The following PAN2 variants were observed in gnomAD, a reference collection of about 807,000 sequenced individuals.
PAN2 encodes poly(A) specific ribonuclease subunit PAN2.
PAN2 carries 68 observed loss-of-function variants against 133.3 expected under a neutral mutation model. The ratio of observed to expected loss-of-function variants is 0.51; its 90% CI spans 0.42 to 0.62. The LOEUF (loss-of-function observed/expected upper bound fraction) is 0.62. Ranked by LOEUF, PAN2 falls within the 20% of genes least tolerant of loss-of-function variation. The probability of loss-of-function intolerance (pLI) is 0.00; values close to 1 mark genes in which losing one functional copy is unlikely to be tolerated. For missense variants in PAN2, 1,042 were observed against 1,500.5 expected (o/e 0.69, Z 5.05); for synonymous variants, 462 against 544.6 (o/e 0.85, Z 2.11).
Position 56,325,043 on chromosome 12 carries a change from T to TG in PAN2, c.1564dup (p.His522ProfsTer8). 4 of 1,614,126 alleles carry TG rather than the reference T, an allele frequency of 2.5e-6. No individual in the cohort carries two copies. In the South Asian group the frequency reaches 4.4e-5, roughly 18 times the overall value. ...GCAGTTACAGTAGGCGTTGGGAATG[T>TG]GGGGCTCTAATCCAGCAAACAAGGT... On this transcript the variant is annotated frameshift_variant, in exon 10 of 26. Coordinates refer to ENST00000440411, the MANE Select transcript of PAN2 (RefSeq NM_014871.6). LOFTEE classifies it high-confidence loss of function.
In PAN2 at chr12:56,324,158, A is replaced by G. The variant is rs1320630774; in HGVS notation, c.1956T>C (p.Val652=). 6.2e-7 allele frequency: 1 copy of G among 1,613,926 alleles called. No individual in the cohort carries two copies. Among genetic ancestry groups the G allele is most frequent in the South Asian group, 1.1e-5 (1 of 91,090 alleles). Residue 652 remains valine, a synonymous_variant, in exon 13 of 26, where the codon GTT becomes GTC. Coordinates refer to ENST00000440411, the MANE Select transcript of PAN2 (RefSeq NM_014871.6). ...GSSFCSSGDS[V]IGQLFSCEME... Reference sequence around the variant, plus strand: ...TCTCACAGCTGAAGAGCTGCCCAATAACAGAGTCCCCCGATGAGCAAAAGC... The same window carrying G: ...TCTCACAGCTGAAGAGCTGCCCAATGACAGAGTCCCCCGATGAGCAAAAGC...
Position 56,324,147 on chromosome 12 carries a change from A to T in PAN2, c.1967T>A (p.Leu656His). 1 of 1,614,122 alleles carries T rather than the reference A, an allele frequency of 6.2e-7. No homozygotes were observed. The highest frequency in any genetic ancestry group is 8.5e-7 in the Non-Finnish European group (1 of 1,180,046). The change falls in exon 13 of 26, where the codon CTC (leucine) becomes CAC (histidine). Residue 656 changes from leucine (L) to histidine (H), a missense_variant. By Grantham distance (99) the Leu-to-His change is moderately conservative. Coordinates refer to ENST00000440411, the MANE Select transcript of PAN2 (RefSeq NM_014871.6). Reference sequence around the variant, plus strand: ...GCAGTTCTCCATCTCACAGCTGAAGAGCTGCCCAATAACAGAGTCCCCCGA... The same window carrying T: ...GCAGTTCTCCATCTCACAGCTGAAGTGCTGCCCAATAACAGAGTCCCCCGA... Reference protein sequence around the residue: ...CSSGDSVIGQLFSCEMENCSL... With the variant: ...CSSGDSVIGQHFSCEMENCSL...
chr12:56,324,928 C>T (rs1479096272), intron 10 of PAN2, 81 bp downstream of exon 10: 157 of 1,536,916 alleles, frequency 1.0e-4, no homozygotes, highest in Non-Finnish European at 2.1e-5. Flanking sequence ...CTGAGGAGAC[C>T]TGGAAAGAGC....
In PAN2 at chr12:56,317,650, G is replaced by C. The variant is rs761525727; in HGVS notation, c.3563-7C>G. The stretch of plus-strand genomic sequence containing the variant: ...GAGGAGAAGACAGCTGCATCTGTCA[G>C]AGACAAAACCAAAAGCATGATTCAA... On this transcript the variant is annotated splice_region_variant and splice_polypyrimidine_tract_variant and intron_variant, in intron 25 of 25. Coordinates refer to ENST00000440411, the MANE Select transcript of PAN2 (RefSeq NM_014871.6). 9.9e-6 allele frequency: 16 copies of C among 1,613,092 alleles called. No homozygotes were observed. The highest frequency in any genetic ancestry group is 2.7e-5 in the African/African-American group (2 of 74,932).
chr12:56,326,004 T>A (rs1875084381), intron 8 of PAN2, among the ~76,000 whole-genome samples: 1 of 152,262 alleles, frequency 6.6e-6, no homozygotes, highest in South Asian at 2.1e-4. Flanking sequence ...TTGGTCACTT[T>A]AGCCTGGAAT....
chr12:56,329,519 G>C (rs1875498659), intron 2 of PAN2, among the ~76,000 whole-genome samples: 1 of 151,600 alleles, frequency 6.6e-6, no homozygotes, highest in African/African-American at 2.4e-5. Context: ...TTAGTAGAAA[G>C]GGGGTTTCAC....
At chr12:56,321,382 C>T (rs927937520) in intron 20 of PAN2, among the ~76,000 whole-genome samples, 24 of 150,884 alleles carry the variant, frequency 1.6e-4, no homozygotes, top group African/African-American at 5.6e-4. Flanking sequence ...GAGCACATCA[C>T]CATACCCAGC....
chr12:56,327,255 A>T (rs2039170676), intron 6 of PAN2, 109 bp downstream of exon 6: 2 of 1,228,718 alleles, frequency 1.6e-6, no homozygotes, highest in South Asian at 1.4e-5. Context: ...ACCCTGATGA[A>T]AGGTTACTTC....
At position 56,324,437 on chromosome 12, in the gene PAN2, T is replaced by C. The variant is rs201893151; in HGVS notation, c.1785A>G (p.Leu595=). ...RTIPEASALG[L]ILADSDEASG... is the part of the protein sequence containing the mutation. ...AGGCCTCATCTGAGTCAGCCAGGAT[T>C]AGACCGAGGGCTGAGGCCTCAGGAA... is the stretch of plus-strand genomic sequence containing the variant. The change falls in exon 12 of 26, where the codon CTA becomes CTG. Residue 595 remains leucine (L), a synonymous_variant. Transcript: ENST00000440411. The C allele has an allele frequency of 2.0e-5, 33 of 1,614,164 alleles. No individual in the cohort carries two copies. Among genetic ancestry groups the C allele is most frequent in the Middle Eastern group, 1.6e-4 (1 of 6,062 alleles).
intron 10 of PAN2, 103 bp from the exon 11 acceptor site, chr12:56,324,812 G>A: frequency 1.4e-6 from 2 of 1,464,834 alleles, no homozygotes; most frequent in Non-Finnish European, 1.8e-6. Context: ...AGAAGCAGGA[G>A]TCCACCGAAG....
intron 2 of PAN2, among the ~76,000 whole-genome samples, chr12:56,330,094 T>C (rs901302137): frequency 2.6e-5 from 4 of 152,064 alleles, no homozygotes; most frequent in Admixed American, 2.6e-4. Flanking sequence ...CCTAGAATAG[T>C]AAAGGAGAGG....
rs758558994 is a variant in PAN2 at position 56,318,250 on chromosome 12, T to A, written c.3549A>T (p.Gln1183His). ...MDWKVPEPEGQTSPKNAAVFS... is the reference protein window; with the variant it reads ...MDWKVPEPEGHTSPKNAAVFS... ...CCCAGGTCTTACTCTTGGGACTTGT[T>A]TGGCCCTCAGGCTCAGGCACCTTCC... Residue 1183 changes from glutamine to histidine, a missense_variant, in exon 25 of 26, where the codon CAA becomes CAT. This residue lies in a region of PAN2 where 85 missense variants were observed against 116.5 expected (regional missense o/e 0.73). Transcript: ENST00000440411. 1 of 1,614,008 alleles carries A rather than the reference T, an allele frequency of 6.2e-7. No homozygotes were observed. The highest frequency in any genetic ancestry group is 1.3e-5 in the African/African-American group (1 of 75,044).
At chr12:56,322,216 CT>C in intron 19 of PAN2, 48 bp from the exon 20 acceptor site, 1 of 1,288,284 alleles carries the variant, frequency 7.8e-7, no homozygotes, top group Non-Finnish European at 1.1e-6. Context: ...CACCCTTTTC[CT>C]TTTCCCCCAC....
chr12:56,329,739 T>G (rs1592446042), intron 2 of PAN2, among the ~76,000 whole-genome samples: 1 of 151,146 alleles, frequency 6.6e-6, no homozygotes, highest in Admixed American at 6.6e-5. Flanking sequence ...AGGCCAGGAG[T>G]TTGACACCAG....
chr12:56,322,795 A>C (rs769271004), intron 17 of PAN2, 37 bp from the exon 18 acceptor site: 1 of 1,592,016 alleles, frequency 6.3e-7, no homozygotes, highest in South Asian at 1.1e-5. Flanking sequence ...AGCTAAGTTT[A>C]AGGATGGGGA....
At position 56,327,565 on chromosome 12, in the gene PAN2, A is replaced by C. The variant is rs1238992496; in HGVS notation, c.718T>G (p.Ser240Ala). The C allele has an allele frequency of 4.3e-6, 7 of 1,614,072 alleles. No homozygotes were observed. Among genetic ancestry groups the C allele is most frequent in the Non-Finnish European group, 5.9e-6 (7 of 1,180,012 alleles). ...HEFDAFSGSLSDFDVHGNLLA... is the reference protein window; with the variant it reads ...HEFDAFSGSLADFDVHGNLLA... ...AGGTTGCCATGCACATCAAAGTCTG[A>C]CAGACTTCCTGAGAAGGCATCAAAC... The change falls in exon 6 of 26, where the codon TCA becomes GCA. Residue 240 changes from serine (S) to alanine (A), a missense_variant. Ser to Ala is a moderately conservative substitution (Grantham distance 99). Transcript: ENST00000440411.
At chr12:56,332,722 T>A in intron 2 of PAN2, 91 bp downstream of exon 2, 1 of 1,316,286 alleles carries the variant, frequency 7.6e-7, no homozygotes, top group Non-Finnish European at 1.1e-6. Context: ...AACTCCTCGG[T>A]ACTGGCTATC....
intron 2 of PAN2, among the ~76,000 whole-genome samples, chr12:56,331,090 A>G (rs1022763287): frequency 7.9e-5 from 12 of 152,232 alleles, no homozygotes; most frequent in Admixed American, 2.0e-4. Context: ...GTGAGTCACC[A>G]TGCCCAGCCA....
chr12:56,317,597 TG>T lies in PAN2; in HGVS notation c.*11del. On this transcript the variant is annotated 3_prime_UTR_variant, in exon 26 of 26. Transcript: ENST00000440411. ...GTAAAGGGAGAGGGCCGTGGTTCTT[TG>T]GGAAGGGTAGTCAGAGCGCCAGCAC... 1 of 1,612,764 alleles carries T rather than the reference TG, an allele frequency of 6.2e-7. No homozygotes were observed. Among genetic ancestry groups the T allele is most frequent in the South Asian group, 1.1e-5 (1 of 90,970 alleles).
Sources: gnomAD v4.1 joint callset for allele counts (sites outside exome capture counted in the v4.1 genomes callset) on GRCh38, gnomAD v4.1.1 for gene constraint, gnomAD v4.1.1 regional missense constraint, MANE v1.5 for transcripts, NCBI Gene and HGNC (gene_info 2026-07-23, HGNC 2026-07-21) for gene names.